Variants in LRRFIP2 observed in about 807,000 individuals in gnomAD.
LRRFIP2 encodes LRR binding FLII interacting protein 2.
Under a neutral mutation model 125.9 loss-of-function variants are expected in LRRFIP2, and 109 were observed. The observed-to-expected ratio is 0.87, with a 90% CI of 0.74 to 1.01. The LOEUF (loss-of-function observed/expected upper bound fraction) is 1.01, where lower values mean the gene tolerates loss of function less well. Among genes scored for constraint, LRRFIP2 ranks in the 50% least tolerant of loss-of-function variants. LRRFIP2 has a pLI of 0.00. For missense variants in LRRFIP2, 850 were observed against 862.3 expected, an observed-to-expected ratio of 0.99 and a Z score of 0.18; for synonymous variants, 291 against 293.1, an observed-to-expected ratio of 0.99 and a Z score of 0.07.
intron 2 of LRRFIP2, among the ~76,000 whole-genome samples, chr3:37,130,306 T>G (rs1482508074): frequency 6.6e-6 from 1 of 152,234 alleles, no homozygotes; most frequent in East Asian, 1.9e-4. Flanking sequence ...ATCTTCTACA[T>G]GGTTATATGA....
intron 8 of LRRFIP2, 129 bp from the exon 9 acceptor site, chr3:37,111,194 T>C: frequency 1.6e-6 from 1 of 624,892 alleles, no homozygotes. Context: ...CCAAAATGTT[T>C]TTAAATCATC....
intron 4 of LRRFIP2, among the ~76,000 whole-genome samples, chr3:37,126,363 T>C (rs755306111): frequency 6.6e-6 from 1 of 152,098 alleles, no homozygotes; most frequent in Non-Finnish European, 1.5e-5. Flanking sequence ...TAAAAGCAAG[T>C]GTCAGAACGG....
At chr3:37,130,831 T>C (rs1203820490) in intron 2 of LRRFIP2, among the ~76,000 whole-genome samples, 1 of 152,194 alleles carries the variant, frequency 6.6e-6, no homozygotes, top group Admixed American at 6.6e-5. Context: ...CACACAGTGC[T>C]TCCTTTAAGT....
chr3:37,083,122 C>T (rs1279124412), intron 19 of LRRFIP2, among the ~76,000 whole-genome samples: 1 of 152,156 alleles, frequency 6.6e-6, no homozygotes, highest in Admixed American at 6.6e-5. Context: ...TACATTTTAA[C>T]ATTACAACTT....
At chr3:37,153,592 T>G (rs946932792) in intron 1 of LRRFIP2, among the ~76,000 whole-genome samples, 1 of 152,184 alleles carries the variant, frequency 6.6e-6, no homozygotes, top group Non-Finnish European at 1.5e-5. Context: ...CCTTCTCAAC[T>G]AACAATGCCT....
intron 24 of LRRFIP2, among the ~76,000 whole-genome samples, chr3:37,061,400 C>A (rs969951989): frequency 8.9e-6 from 1 of 112,312 alleles, no homozygotes; most frequent in East Asian, 2.1e-4. Flanking sequence ...TTTTCTTTTT[C>A]TTTTTTCCTT....
chr3:37,173,229 T>C (rs1260518482), intron 1 of LRRFIP2, among the ~76,000 whole-genome samples: 2 of 152,002 alleles, frequency 1.3e-5, no homozygotes, highest in African/African-American at 4.8e-5. Context: ...CATTTATTTA[T>C]TCTTGAGACA....
intron 4 of LRRFIP2, among the ~76,000 whole-genome samples, chr3:37,124,335 C>T (rs1400979556): frequency 6.6e-6 from 1 of 152,182 alleles, no homozygotes; most frequent in Non-Finnish European, 1.5e-5. Context: ...GTAAGGCAAG[C>T]TCAAGGCAAA....
chr3:37,105,224 T>C (rs1286703553), intron 14 of LRRFIP2, among the ~76,000 whole-genome samples: 1 of 152,220 alleles, frequency 6.6e-6, no homozygotes, highest in Non-Finnish European at 1.5e-5. Flanking sequence ...TTTCAAATAA[T>C]GATTCACTCC....
intron 4 of LRRFIP2, among the ~76,000 whole-genome samples, chr3:37,125,851 G>GT (rs1173253284): frequency 6.6e-6 from 1 of 152,082 alleles, no homozygotes; most frequent in African/African-American, 2.4e-5. Context: ...ATTTTGTATT[G>GT]TAACTATTAC....
chr3:37,171,452 T>C (rs2150422692), intron 1 of LRRFIP2, among the ~76,000 whole-genome samples: 1 of 152,232 alleles, frequency 6.6e-6, no homozygotes, highest in Non-Finnish European at 1.5e-5. Context: ...TAATTTTTTT[T>C]TTTTCTCTCT....
At chr3:37,070,497 A>T (rs2090989098) in intron 21 of LRRFIP2, among the ~76,000 whole-genome samples, 1 of 151,484 alleles carries the variant, frequency 6.6e-6, no homozygotes, top group Admixed American at 6.6e-5. Context: ...CCACTTTGGA[A>T]GGCCGAGGTG....
chr3:37,101,004 A>G (rs1316097488), intron 15 of LRRFIP2, among the ~76,000 whole-genome samples: 1 of 152,220 alleles, frequency 6.6e-6, no homozygotes, highest in African/African-American at 2.4e-5. Flanking sequence ...AAATACGATC[A>G]GTGAAATGCT....
At chr3:37,168,030 G>A (rs935487880) in intron 1 of LRRFIP2, among the ~76,000 whole-genome samples, 5 of 152,184 alleles carry the variant, frequency 3.3e-5, no homozygotes, top group African/African-American at 4.8e-5. Context: ...TGTTGGCAAG[G>A]ATGTGGAGAA....
chr3:37,088,715 T>G (rs1428852093), intron 18 of LRRFIP2, among the ~76,000 whole-genome samples: 1 of 152,014 alleles, frequency 6.6e-6, no homozygotes, highest in Non-Finnish European at 1.5e-5. Flanking sequence ...TAGGATCGCT[T>G]GAGTCCAGGA....
At chr3:37,110,836 G>A (rs1461980958) in intron 9 of LRRFIP2, among the ~76,000 whole-genome samples, 155 bp downstream of exon 9, 1 of 152,120 alleles carries the variant, frequency 6.6e-6, no homozygotes, top group Non-Finnish European at 1.5e-5. Context: ...GTTGTTTAAA[G>A]AGACTCCCAC....
chr3:37,116,931 C>G (rs991956734), intron 6 of LRRFIP2, among the ~76,000 whole-genome samples: 1 of 151,918 alleles, frequency 6.6e-6, no homozygotes, highest in African/African-American at 2.4e-5. Context: ...CTGAAACTAA[C>G]AGAAAACACA....
intron 6 of LRRFIP2, among the ~76,000 whole-genome samples, chr3:37,115,306 A>G (rs1303563710): frequency 6.6e-6 from 1 of 152,252 alleles, no homozygotes; most frequent in African/African-American, 2.4e-5. Context: ...TGTATATTCA[A>G]AACTGTATGT....
At chr3:37,054,961 T>C (rs191386728) in intron 26 of LRRFIP2, 125 bp downstream of exon 26, 1 of 654,404 alleles carries the variant, frequency 1.5e-6, no homozygotes, top group East Asian at 2.9e-5. Flanking sequence ...TCTGCTGGCT[T>C]TTCTATTTTA....
Sources: gnomAD v4.1 joint callset for allele counts (sites outside exome capture counted in the v4.1 genomes callset) on GRCh38, gnomAD v4.1.1 for gene constraint, MANE v1.5 for transcripts, NCBI Gene and HGNC (gene_info 2026-07-23, HGNC 2026-07-21) for gene names.